Variants in ADAP2 observed in about 807,000 individuals in gnomAD.
ADAP2 encodes ArfGAP with dual PH domains 2, also known as arf-GAP with dual PH domain-containing protein 2.
A neutral mutation model predicts 54.9 loss-of-function variants in ADAP2; 42 were observed. That is an observed-to-expected ratio of 0.77 (90% CI 0.60 to 0.99). The LOEUF is 0.99. Among genes scored for constraint, ADAP2 ranks in the 50% least tolerant of loss-of-function variants. The pLI is 0.00. For missense variants in ADAP2, 429 were observed against 480.4 expected (o/e 0.89, Z 1.00); for synonymous variants, 177 against 180.1 (o/e 0.98, Z 0.14).
At chr17:30,955,104 G>A (rs1332368244) in intron 9 of ADAP2, among the ~76,000 whole-genome samples, 2 of 141,654 alleles carry the variant, frequency 1.4e-5, no homozygotes, top group South Asian at 2.1e-4. Context: ...TAAATGTTAG[G>A]TATCACTTAT....
intron 7 of ADAP2, among the ~76,000 whole-genome samples, 176 bp from the exon 8 acceptor site, chr17:30,953,112 C>T (rs974289121): frequency 6.6e-6 from 1 of 152,196 alleles, no homozygotes; most frequent in South Asian, 2.1e-4. Context: ...GTGCTGTCGA[C>T]TGGCTTTGTT....
chr17:30,931,468 C>A (rs138099100), intron 3 of ADAP2, among the ~76,000 whole-genome samples: 142 of 152,224 alleles, frequency 9.3e-4, no homozygotes, highest in African/African-American at 3.2e-3. Flanking sequence ...GCTGAGGAAT[C>A]CTAGGTAGCT....
chr17:30,949,927 C>T (rs138542792), intron 7 of ADAP2, among the ~76,000 whole-genome samples: 1 of 152,198 alleles, frequency 6.6e-6, no homozygotes, highest in Non-Finnish European at 1.5e-5. Context: ...AGTGTCTCCC[C>T]TTCAGAAGAG....
chr17:30,941,274 A>T (rs1467881733), intron 5 of ADAP2, among the ~76,000 whole-genome samples: 2 of 152,252 alleles, frequency 1.3e-5, no homozygotes, highest in Non-Finnish European at 2.9e-5. Flanking sequence ...CAATTAGGGC[A>T]TGAACAAGAT....
chr17:30,943,715 C>T (rs1181015309), intron 5 of ADAP2, among the ~76,000 whole-genome samples: 1 of 152,016 alleles, frequency 6.6e-6, no homozygotes, highest in African/African-American at 2.4e-5. Context: ...GGCATGGCGG[C>T]ACGTGTCTGT....
intron 5 of ADAP2, 56 bp from the exon 6 acceptor site, chr17:30,944,851 G>A (rs1204451189): frequency 1.3e-6 from 2 of 1,575,024 alleles, no homozygotes; most frequent in Non-Finnish European, 1.7e-6. Context: ...GGTGAAGGTT[G>A]ACCAGAAGTC....
At chr17:30,956,190 C>T (rs756420154) in intron 9 of ADAP2, 51 bp from the exon 10 acceptor site, 25 of 1,554,076 alleles carry the variant, frequency 1.6e-5, no homozygotes, top group Non-Finnish European at 1.9e-5. Flanking sequence ...GGCTGCAGGG[C>T]CCCTCTGCCC....
intron 5 of ADAP2, among the ~76,000 whole-genome samples, chr17:30,944,653 T>C (rs1371422284): frequency 6.6e-6 from 1 of 151,830 alleles, no homozygotes; most frequent in African/African-American, 2.4e-5. Context: ...AGAGACGGGG[T>C]TTTACCAAGT....
At chr17:30,945,126 C>G (rs1912571847) in intron 6 of ADAP2, 73 bp downstream of exon 6, 2 of 1,534,960 alleles carry the variant, frequency 1.3e-6, no homozygotes, top group East Asian at 2.3e-5. Context: ...CTCACCACCT[C>G]CCCTGCTCAC....
In ADAP2 at chr17:30,925,548, CCTTCTT is replaced by C. The variant is rs147908233; in HGVS notation, c.226-1264_226-1259del. On this transcript the variant is annotated intron_variant, in intron 2 of 10. Transcript: ENST00000330889. ...CCTCCTCTTCTTCTTCTTCCTTCTTCCTTCTTCTTCTTCTTCTTCTCTTTTCTTTTC... is the reference window on the plus strand; with the variant it reads ...CCTCCTCTTCTTCTTCTTCCTTCTTCCTTCTTCTTCTTCTCTTTTCTTTTC... Among the ~76,000 whole-genome samples, 13 of 149,906 alleles carry C rather than the reference CCTTCTT, an allele frequency of 8.7e-5. No homozygotes were observed. The South Asian group carries it at 1.1e-3, about 12-fold the overall frequency.
chr17:30,946,335 C>T (rs974043289), intron 6 of ADAP2, among the ~76,000 whole-genome samples: 1 of 151,788 alleles, frequency 6.6e-6, no homozygotes, highest in Non-Finnish European at 1.5e-5. Context: ...AGGGTTCAAG[C>T]GATCCTCTTG....
In ADAP2 at chr17:30,956,263, T is replaced by C; in HGVS notation, c.905T>C (p.Val302Ala). ...NPLDAFEQGQ[V>A]FLGNKEQGYE... ...CAGGATGCCTTCGAGCAGGGCCAGG[T>C]TTTTCTTGGGAACAAGGAGCAGGGA... Residue 302 changes from valine (V) to alanine (A), a missense_variant, in exon 10 of 11, where the codon GTT (valine) becomes GCT (alanine). Coordinates refer to ENST00000330889, the MANE Select transcript of ADAP2 (RefSeq NM_018404.3). 3.7e-6 allele frequency: 6 copies of C among 1,614,002 alleles called. No homozygotes were observed. The highest frequency in any genetic ancestry group is 5.1e-6 in the Non-Finnish European group (6 of 1,179,998).
Position 30,922,007 on chromosome 17 carries a change from G to A in ADAP2, c.-8G>A. 1 of 1,269,356 alleles carries A rather than the reference G, an allele frequency of 7.9e-7. No homozygotes were observed. Among genetic ancestry groups the A allele is most frequent in the Admixed American group, 4.2e-5 (1 of 23,622 alleles). 78.6% of individuals were successfully genotyped at this position (1,269,356 alleles called of 1,614,324 possible). On this transcript the variant is annotated 5_prime_UTR_variant, in exon 1 of 11. Coordinates refer to ENST00000330889, the MANE Select transcript of ADAP2 (RefSeq NM_018404.3). ...GGGCTGAGCCCCGCTGAGCCCGCCG[G>A]GCCGGCCATGGGCGATCGCGAGCGC... is the stretch of plus-strand genomic sequence containing the variant.
chr17:30,922,000 C>G lies in ADAP2; in HGVS notation c.-15C>G, dbSNP rs999543958. Reference sequence around the variant, plus strand: ...GGGCCATGGGCTGAGCCCCGCTGAGCCCGCCGGGCCGGCCATGGGCGATCG... The same window carrying G: ...GGGCCATGGGCTGAGCCCCGCTGAGGCCGCCGGGCCGGCCATGGGCGATCG... On this transcript the variant is annotated 5_prime_UTR_variant, in exon 1 of 11. Transcript: ENST00000330889. The G allele has an allele frequency of 1.1e-5, 14 of 1,267,006 alleles. No homozygotes were observed. The highest frequency in any genetic ancestry group is 1.3e-5 in the Non-Finnish European group (13 of 1,009,948). The allele number at this position is 1,267,006 out of a possible 1,614,324, so 78.5% of individuals were successfully genotyped here. A position where few individuals can be genotyped will look rare whatever the true frequency, so the allele number is the denominator to read the frequency against.
intron 2 of ADAP2, among the ~76,000 whole-genome samples, chr17:30,924,224 T>A (rs1490562960): frequency 1.3e-5 from 2 of 152,002 alleles, no homozygotes; most frequent in Non-Finnish European, 2.9e-5. Flanking sequence ...AATACAAAAA[T>A]TAGCTGGGTG....
At chr17:30,936,578 A>T (rs539216087) in intron 5 of ADAP2, among the ~76,000 whole-genome samples, 1 of 152,016 alleles carries the variant, frequency 6.6e-6, no homozygotes, top group East Asian at 1.9e-4. Flanking sequence ...TAATGTGCTT[A>T]TTGGCCATTT....
intron 5 of ADAP2, among the ~76,000 whole-genome samples, chr17:30,937,219 C>T (rs1309441379): frequency 1.3e-5 from 2 of 151,714 alleles, no homozygotes; most frequent in African/African-American, 2.4e-5. Flanking sequence ...CCACCGCGCC[C>T]GGCCTATTTA....
chr17:30,947,596 A>G (rs1598050058), intron 6 of ADAP2, among the ~76,000 whole-genome samples: 1 of 152,104 alleles, frequency 6.6e-6, no homozygotes, highest in Admixed American at 6.5e-5. Context: ...CAGGTGATCC[A>G]CCCGCCTCGG....
chr17:30,924,770 CT>C (rs1368250489), intron 2 of ADAP2, among the ~76,000 whole-genome samples: 1 of 152,056 alleles, frequency 6.6e-6, no homozygotes, highest in Non-Finnish European at 1.5e-5. Context: ...AGCTTACATT[CT>C]AGTGTGGGAG....
Sources: gnomAD v4.1 joint callset for allele counts (sites outside exome capture counted in the v4.1 genomes callset) on GRCh38, gnomAD v4.1.1 for gene constraint, MANE v1.5 for transcripts, NCBI Gene and HGNC (gene_info 2026-07-23, HGNC 2026-07-21) for gene names.